JPH3: variants seen among roughly 807,000 people sequenced by gnomAD.
The protein encoded by JPH3 is junctophilin-3.
JPH3 carries 11 observed loss-of-function variants against 59.6 expected under a neutral mutation model. The ratio of observed to expected loss-of-function variants is 0.18; its 90% CI spans 0.12 to 0.31. The LOEUF (loss-of-function observed/expected upper bound fraction) is 0.31. Among genes scored for constraint, JPH3 ranks in the 10% least tolerant of loss-of-function variants. The pLI is 1.00. For missense variants in JPH3, 1,202 were observed against 1,105.7 expected (o/e 1.09, Z -1.24); for synonymous variants, 673 against 483.6 (o/e 1.39, Z -5.14).
intron 1 of JPH3, among the ~76,000 whole-genome samples, chr16:87,606,438 A>T (rs891112047): frequency 9.2e-5 from 14 of 152,010 alleles, no homozygotes; most frequent in African/African-American, 3.1e-4. Context: ...CCCTTAGGGT[A>T]CTCCCTGATT....
At position 87,603,124 on chromosome 16, in the gene JPH3, G is replaced by T; in HGVS notation, c.-23G>T. 6.2e-7 allele frequency: 1 copy of T among 1,613,790 alleles called. No individual in the cohort carries two copies. Among genetic ancestry groups the T allele is most frequent in the Non-Finnish European group, 8.5e-7 (1 of 1,179,846 alleles). ...CCTGAGTCCGTTTTCACCGTTTGCG[G>T]GATCTGGAACCGAGTTACATGCATG... On this transcript the variant is annotated 5_prime_UTR_variant, in exon 1 of 5. Transcript: ENST00000284262.
chr16:87,646,405 C>T (rs757661655), intron 2 of JPH3, among the ~76,000 whole-genome samples: 1 of 152,222 alleles, frequency 6.6e-6, no homozygotes, highest in Admixed American at 6.5e-5. Flanking sequence ...CGCTGTTTGC[C>T]CCTCCCTGCT....
intron 2 of JPH3, among the ~76,000 whole-genome samples, chr16:87,673,385 T>C (rs1410144843): frequency 6.6e-6 from 1 of 151,874 alleles, no homozygotes; most frequent in Non-Finnish European, 1.5e-5. Context: ...GCTTTGCTCG[T>C]GGGGGTGTAA....
At position 87,603,010 on chromosome 16, in the gene JPH3, G is replaced by C; in HGVS notation, c.-137G>C. The C allele has an allele frequency of 9.0e-7, 1 of 1,107,918 alleles. No individual in the cohort carries two copies. Among genetic ancestry groups the C allele is most frequent in the Non-Finnish European group, 1.3e-6 (1 of 798,464 alleles). 68.6% of individuals were successfully genotyped at this position (1,107,918 alleles called of 1,614,324 possible). A position where few individuals can be genotyped will look rare whatever the true frequency, so the allele number is the denominator to read the frequency against. On this transcript the variant is annotated 5_prime_UTR_variant, in exon 1 of 5. Transcript: ENST00000284262. ...CGGCGCCGCGGCCGCCCGCGCCCGAGACCGCGCTCCGGGGCCGCGTCCTCC... is the reference window on the plus strand; with the variant it reads ...CGGCGCCGCGGCCGCCCGCGCCCGACACCGCGCTCCGGGGCCGCGTCCTCC...
intron 2 of JPH3, among the ~76,000 whole-genome samples, chr16:87,662,107 G>T (rs573957495): frequency 1.3e-5 from 2 of 152,130 alleles, no homozygotes; most frequent in Non-Finnish European, 2.9e-5. Flanking sequence ...CTGTACCTAC[G>T]GTCATCCCTC....
intron 2 of JPH3, among the ~76,000 whole-genome samples, chr16:87,678,782 A>G (rs554405586): frequency 2.0e-5 from 3 of 152,308 alleles, no homozygotes; most frequent in Admixed American, 6.5e-5. Context: ...GAGGAGAGAG[A>G]CACGTGCCGG....
intron 2 of JPH3, 42 bp downstream of exon 2, chr16:87,645,077 A>T: frequency 1.3e-6 from 2 of 1,562,994 alleles, no homozygotes; most frequent in Non-Finnish European, 1.7e-6. Flanking sequence ...TGGTGCCCAG[A>T]AGGTGTTTGT....
intron 2 of JPH3, among the ~76,000 whole-genome samples, chr16:87,672,004 C>A (rs2033029186): frequency 6.6e-6 from 1 of 152,158 alleles, no homozygotes; most frequent in South Asian, 2.1e-4. Context: ...GGGGTACGTG[C>A]TGCGTTCAGT....
intron 1 of JPH3, among the ~76,000 whole-genome samples, chr16:87,614,289 G>A (rs1424839554): frequency 6.6e-6 from 1 of 152,046 alleles, no homozygotes; most frequent in East Asian, 1.9e-4. Context: ...TACACAGGAG[G>A]AGCTGTGCGT....
Position 87,690,020 on chromosome 16 carries a change from G to A in JPH3, c.1660G>A (p.Asp554Asn). 1 of 1,531,328 alleles carries A rather than the reference G, an allele frequency of 6.5e-7. No individual in the cohort carries two copies. Among genetic ancestry groups the A allele is most frequent in the Non-Finnish European group, 8.8e-7 (1 of 1,137,976 alleles). The allele number at this position is 1,531,328 out of a possible 1,614,324, so 94.9% of individuals were successfully genotyped here. Residue 554 changes from aspartate to asparagine, a missense_variant, in exon 4 of 5, where the codon GAT (aspartate) becomes AAT (asparagine). By Grantham distance (23) the Asp-to-Asn change is conservative. Coordinates refer to ENST00000284262, the MANE Select transcript of JPH3 (RefSeq NM_020655.4). ...TGCCCTGCGCGGCGGCCTGCTCGTGGATGACTTCCGCACCCGAGGTTCGGG... is the reference window on the plus strand; with the variant it reads ...TGCCCTGCGCGGCGGCCTGCTCGTGAATGACTTCCGCACCCGAGGTTCGGG... ...SGALRGGLLV[D>N]DFRTRGSGRK...
At position 87,603,265 on chromosome 16, in the gene JPH3, C is replaced by T. The variant is rs2030333150; in HGVS notation, c.119C>T (p.Thr40Ile). The T allele has an allele frequency of 4.3e-6, 7 of 1,613,596 alleles. No individual in the cohort carries two copies. In the Admixed American group the frequency reaches 6.7e-5, roughly 15 times the overall value. The change falls in exon 1 of 5, where the codon ACC (threonine) becomes ATC (isoleucine). Residue 40 changes from threonine to isoleucine, a missense_variant. Thr to Ile is a moderately conservative substitution (Grantham distance 89). Coordinates refer to ENST00000284262, the MANE Select transcript of JPH3 (RefSeq NM_020655.4). The part of the protein sequence containing the change: ...CTGPKGQGEY[T>I]GSWSHGFEVL... ...GGCCCCAAGGGCCAAGGCGAATACA[C>T]CGGCTCGTGGAGCCACGGCTTCGAG... is the stretch of plus-strand genomic sequence containing the variant.
chr16:87,625,508 CT>C (rs1356281027), intron 1 of JPH3, among the ~76,000 whole-genome samples: 1 of 152,186 alleles, frequency 6.6e-6, no homozygotes, highest in Non-Finnish European at 1.5e-5. Flanking sequence ...GAGGGGCCCC[CT>C]GAGCAGGAGG....
rs542449680 is a variant in JPH3, at chr16:87,666,499, C to G, written c.1161-17643C>G. On this transcript the variant is annotated intron_variant, in intron 2 of 4. Coordinates refer to ENST00000284262, the MANE Select transcript of JPH3 (RefSeq NM_020655.4). ...CTCAAATTCCTGGGCTCAAGTGAGC[C>G]TCTCACCTTAGCCTCCTAAGCAGCT... is the stretch of plus-strand genomic sequence containing the variant. Among the ~76,000 whole-genome samples the G allele has an allele frequency of 2.6e-5, 4 of 152,184 alleles. No homozygotes were observed. The East Asian group carries it at 7.7e-4, about 29-fold the overall frequency.
intron 2 of JPH3, among the ~76,000 whole-genome samples, chr16:87,674,105 C>T (rs1213682146): frequency 6.6e-6 from 1 of 151,420 alleles, no homozygotes; most frequent in Non-Finnish European, 1.5e-5. Flanking sequence ...GAGGCCGAGG[C>T]AGGTGGATCA....
chr16:87,690,738 G>C (rs9924287), intron 4 of JPH3, among the ~76,000 whole-genome samples: 2 of 152,098 alleles, frequency 1.3e-5, no homozygotes, highest in Non-Finnish European at 2.9e-5. Flanking sequence ...ACCTCTTTCC[G>C]TGAGAGGCTG....
intron 2 of JPH3, among the ~76,000 whole-genome samples, chr16:87,659,376 A>C (rs78843972): frequency 1.2e-5 from 1 of 80,756 alleles, no homozygotes; most frequent in Admixed American, 1.7e-4. Flanking sequence ...GACTGTCTCA[A>C]AAAAAAAAAA....
In JPH3 at chr16:87,602,659, C is replaced by G. The variant is rs1170597407; in HGVS notation, c.-488C>G. 7.1e-6 allele frequency among the ~76,000 whole-genome samples: 1 copy of G among 140,304 alleles called. No homozygotes were observed. Among genetic ancestry groups the G allele is most frequent in the Admixed American group, 7.0e-5 (1 of 14,384 alleles). 92.0% of individuals were successfully genotyped at this position (140,304 alleles called of 152,430 possible). On this transcript the variant is annotated 5_prime_UTR_variant, in exon 1 of 5. Coordinates refer to ENST00000284262, the MANE Select transcript of JPH3 (RefSeq NM_020655.4). ...GCAGCCGCCAGCGCCGCCGCCCGTGCCGCCGCCGCCGCCCGCGGGCCCCGC... is the reference window on the plus strand; with the variant it reads ...GCAGCCGCCAGCGCCGCCGCCCGTGGCGCCGCCGCCGCCCGCGGGCCCCGC...
In JPH3 at chr16:87,659,645, A is replaced by G. The variant is rs147943326; in HGVS notation, c.1160+14610A>G. Reference sequence around the variant, plus strand: ...TTACTCAGGAGGTTGAGGCAGGAGAATTGCTTGAACGCAGGAGACGAAGGT... The same window carrying G: ...TTACTCAGGAGGTTGAGGCAGGAGAGTTGCTTGAACGCAGGAGACGAAGGT... On this transcript the variant is annotated intron_variant, in intron 2 of 4. Coordinates refer to ENST00000284262, the MANE Select transcript of JPH3 (RefSeq NM_020655.4). 4.2e-3 allele frequency among the ~76,000 whole-genome samples: 636 copies of G among 152,108 alleles called. 3 individuals are homozygous for G. Among genetic ancestry groups the G allele is most frequent in the Middle Eastern group, 0.024 (7 of 294 alleles).
At chr16:87,607,855 T>C (rs904022941) in intron 1 of JPH3, among the ~76,000 whole-genome samples, 2 of 152,236 alleles carry the variant, frequency 1.3e-5, no homozygotes, top group African/African-American at 4.8e-5. Flanking sequence ...CCCTGAGCAG[T>C]TGGAGACGAA....
Sources: allele counts gnomAD v4.1 joint callset (sites outside exome capture counted in the v4.1 genomes callset), GRCh38; gene constraint gnomAD v4.1.1; transcripts MANE v1.5; gene names NCBI Gene and HGNC (gene_info 2026-07-23, HGNC 2026-07-21).